The following ADAM10 variants were observed in gnomAD, a reference collection of about 807,000 sequenced individuals.
ADAM10 encodes the protein ADAM metallopeptidase domain 10.
A neutral mutation model predicts 90.1 loss-of-function variants in ADAM10; 17 were observed. The observed-to-expected ratio is 0.19, with a 90% CI of 0.13 to 0.28. The LOEUF is 0.28. ADAM10 is among the 10% of genes least tolerant of loss of function. The pLI is 1.00. For missense variants in ADAM10, 610 were observed against 914.3 expected (o/e 0.67, Z 4.29); for synonymous variants, 310 against 298.6 (o/e 1.04, Z -0.40).
chr15:58,661,600 T>C (rs1254016240), intron 5 of ADAM10, among the ~76,000 whole-genome samples: 1 of 152,182 alleles, frequency 6.6e-6, no homozygotes, highest in African/African-American at 2.4e-5. Flanking sequence ...GTGTTTCCAA[T>C]AATTTAATTG....
In ADAM10 at chr15:58,595,305, T is replaced by C. The variant is rs1894921928; in HGVS notation, c.*2242A>G. 1 of 152,176 alleles carries C rather than the reference T, an allele frequency of 6.6e-6. No individual in the cohort carries two copies. The highest frequency in any genetic ancestry group is 1.5e-5 in the Non-Finnish European group (1 of 67,984). 9.4% of individuals were successfully genotyped at this position (152,176 alleles called of 1,614,324 possible). A position where few individuals can be genotyped will look rare whatever the true frequency, so the allele number is the denominator to read the frequency against. ...TAAGAATAAAGATAATCTATACTTTTGTAGGAAGAGACAACTGTAAGAAAA... is the reference window on the plus strand; with the variant it reads ...TAAGAATAAAGATAATCTATACTTTCGTAGGAAGAGACAACTGTAAGAAAA... On this transcript the variant is annotated 3_prime_UTR_variant, in exon 16 of 16. Transcript: ENST00000260408.
chr15:58,665,452 T>C (rs1897056731), intron 4 of ADAM10, among the ~76,000 whole-genome samples: 1 of 152,094 alleles, frequency 6.6e-6, no homozygotes, highest in Admixed American at 6.6e-5. Flanking sequence ...AAAAGGGCAA[T>C]AACCACTCAT....
chr15:58,638,724 T>C (rs1247131637), intron 8 of ADAM10, among the ~76,000 whole-genome samples: 7 of 150,568 alleles, frequency 4.6e-5, no homozygotes, highest in Admixed American at 4.6e-4. Flanking sequence ...GTGATCCAAA[T>C]ATCACAAACA....
chr15:58,626,930 C>T (rs1453281649), intron 10 of ADAM10, among the ~76,000 whole-genome samples: 1 of 152,082 alleles, frequency 6.6e-6, no homozygotes, highest in African/African-American at 2.4e-5. Context: ...ATTAATGTCA[C>T]AGAACTGTAC....
chr15:58,670,747 CTTAA>C, intron 4 of ADAM10, among the ~76,000 whole-genome samples: 1 of 152,190 alleles, frequency 6.6e-6, no homozygotes, highest in South Asian at 2.1e-4. Flanking sequence ...AAGAAAAATA[CTTAA>C]TTTACATACA....
chr15:58,739,140 G>A (rs2140847088), intron 1 of ADAM10, among the ~76,000 whole-genome samples: 1 of 152,282 alleles, frequency 6.6e-6, no homozygotes, highest in East Asian at 1.9e-4. Flanking sequence ...TAGAGATCAT[G>A]GAGTTACTAA....
chr15:58,716,483 G>T (rs1337468551), intron 2 of ADAM10, among the ~76,000 whole-genome samples: 1 of 152,164 alleles, frequency 6.6e-6, no homozygotes, highest in Non-Finnish European at 1.5e-5. Context: ...AAATGACACA[G>T]AACAAAGTTT....
chr15:58,722,871 A>G lies in ADAM10; in HGVS notation c.56-5144T>C, dbSNP rs144080669. 6.8e-3 allele frequency among the ~76,000 whole-genome samples: 1,031 copies of G among 151,490 alleles called. 14 individuals are homozygous for G. The highest frequency in any genetic ancestry group is 0.024 in the African/African-American group (986 of 41,244). On this transcript the variant is annotated intron_variant, in intron 1 of 15. Transcript: ENST00000260408. The stretch of plus-strand genomic sequence containing the variant: ...ATCAGCCTTCCCAGTAGCTCAGGCT[A>G]CAGGCACGCACCACTATGCCTGGCT...
At chr15:58,749,028 G>C (rs1020637057) in intron 1 of ADAM10, 6 of 399,084 alleles carry the variant, frequency 1.5e-5, no homozygotes, top group Middle Eastern at 6.2e-4. Flanking sequence ...ATCCGCCACC[G>C]GGCAGGGGCT....
chr15:58,694,279 C>G (rs781102333), intron 2 of ADAM10, among the ~76,000 whole-genome samples: 4 of 152,120 alleles, frequency 2.6e-5, no homozygotes, highest in Admixed American at 2.6e-4. Context: ...TTTGAAACCC[C>G]GTCTGTACTA....
At chr15:58,616,489 CTG>C (rs1477938136) in intron 11 of ADAM10, among the ~76,000 whole-genome samples, 1 of 152,148 alleles carries the variant, frequency 6.6e-6, no homozygotes, top group East Asian at 1.9e-4. Flanking sequence ...ACTTTAGAAA[CTG>C]TACAAACACA....
chr15:58,600,838 G>A (rs951117892), intron 14 of ADAM10, among the ~76,000 whole-genome samples: 1 of 152,096 alleles, frequency 6.6e-6, no homozygotes, highest in Non-Finnish European at 1.5e-5. Context: ...ACAGGTTACT[G>A]TAACATATAT....
At chr15:58,650,205 G>A (rs889463090) in intron 5 of ADAM10, among the ~76,000 whole-genome samples, 1 of 151,986 alleles carries the variant, frequency 6.6e-6, no homozygotes, top group African/African-American at 2.4e-5. Context: ...TGACTCTCTT[G>A]TTCTTCCATC....
At position 58,686,296 on chromosome 15, in the gene ADAM10, G is replaced by C. The variant is rs896110811; in HGVS notation, c.207-3982C>G. ...TTGTTGTCATTTAATAGAGAACCCA[G>C]AAAAGCCACTCCTTGGAAATAGGAA... is the stretch of plus-strand genomic sequence containing the variant. On this transcript the variant is annotated intron_variant, in intron 2 of 15. Coordinates refer to ENST00000260408, the MANE Select transcript of ADAM10 (RefSeq NM_001110.4). 18 of 589,574 alleles carry C rather than the reference G, an allele frequency of 3.1e-5. No individual in the cohort carries two copies. The Admixed American group carries it at 4.5e-4, about 15-fold the overall frequency. The allele number at this position is 589,574 out of a possible 1,614,324, so 36.5% of individuals were successfully genotyped here. A position where few individuals can be genotyped will look rare whatever the true frequency, so the allele number is the denominator to read the frequency against.
intron 1 of ADAM10, chr15:58,732,665 T>C (rs1463786847): frequency 4.0e-5 from 6 of 149,780 alleles, no homozygotes; most frequent in African/African-American, 1.5e-4. Context: ...GCCGAGATCT[T>C]GCTGTTGCAC....
chr15:58,607,557 G>A (rs1448219585), intron 14 of ADAM10, among the ~76,000 whole-genome samples: 1 of 152,198 alleles, frequency 6.6e-6, no homozygotes, highest in African/African-American at 2.4e-5. Flanking sequence ...TTGGGAAACA[G>A]TGCTCTAAAT....
intron 8 of ADAM10, among the ~76,000 whole-genome samples, chr15:58,634,147 C>G (rs1168429877): frequency 1.3e-5 from 2 of 151,834 alleles, no homozygotes; most frequent in Non-Finnish European, 2.9e-5. Context: ...CCCATCTCTA[C>G]TAAAAATACA....
At chr15:58,669,060 AAT>A (rs1446921560) in intron 4 of ADAM10, among the ~76,000 whole-genome samples, 1 of 152,196 alleles carries the variant, frequency 6.6e-6, no homozygotes, top group African/African-American at 2.4e-5. Flanking sequence ...ATCATATGTC[AAT>A]GTTATTTTTA....
intron 5 of ADAM10, among the ~76,000 whole-genome samples, chr15:58,648,954 A>G (rs1489492609): frequency 6.6e-6 from 1 of 151,952 alleles, no homozygotes; most frequent in African/African-American, 2.4e-5. Flanking sequence ...CTGCATCCTT[A>G]TATTTTAGGA....
Sources: gnomAD v4.1 joint callset for allele counts (sites outside exome capture counted in the v4.1 genomes callset) on GRCh38, gnomAD v4.1.1 for gene constraint, MANE v1.5 for transcripts, NCBI Gene and HGNC (gene_info 2026-07-23, HGNC 2026-07-21) for gene names.